The following SV2C variants were observed in gnomAD, a reference collection of about 807,000 sequenced individuals.
SV2C encodes synaptic vesicle glycoprotein 2C.
A neutral mutation model predicts 79.7 loss-of-function variants in SV2C; 49 were observed. The ratio of observed to expected loss-of-function variants is 0.61; its 90% confidence interval spans 0.49 to 0.78. The LOEUF is 0.78. SV2C is among the 30% of genes least tolerant of loss of function. SV2C has a pLI of 0.00. For synonymous variants in SV2C, 334 were observed against 333.2 expected (o/e 1.00, Z -0.03); for missense variants, 833 against 912.9 (o/e 0.91, Z 1.13).
At chr5:76,126,076 A>G (rs1748696616) in intron 1 of SV2C, among the ~76,000 whole-genome samples, 1 of 152,108 alleles carries the variant, frequency 6.6e-6, no homozygotes, top group African/African-American at 2.4e-5. Context: ...AAACCCAATA[A>G]CATTACTTTA....
chr5:76,212,442 C>CT (rs1033793509), intron 4 of SV2C, among the ~76,000 whole-genome samples: 1 of 151,536 alleles, frequency 6.6e-6, no homozygotes, highest in South Asian at 2.1e-4. Context: ...AGCTGAAGTG[C>CT]TTTTTTTTCT....
the SV2C span, among the ~76,000 whole-genome samples, chr5:75,991,588 C>T: frequency 0.15 from 20,632 of 137,680 alleles, 1,633 homozygotes; most frequent in South Asian, 0.21. Context: ...TATATATACA[C>T]ACATATATAT....
chr5:76,099,358 T>G (rs1015986476), intron 1 of SV2C, among the ~76,000 whole-genome samples: 10 of 131,434 alleles, frequency 7.6e-5, no homozygotes, highest in South Asian at 2.7e-4. Flanking sequence ...TAGTGCTTTC[T>G]TTTGCTCGTG....
intron 1 of SV2C, among the ~76,000 whole-genome samples, chr5:76,124,347 A>C (rs992744909): frequency 1.3e-5 from 2 of 152,204 alleles, no homozygotes; most frequent in Non-Finnish European, 1.5e-5. Flanking sequence ...TATCTCATAT[A>C]AATAGAATCA....
At chr5:76,027,247 A>G in the SV2C span, among the ~76,000 whole-genome samples, 1 of 151,748 alleles carries the variant, frequency 6.6e-6, no homozygotes, top group African/African-American at 2.4e-5. Flanking sequence ...TTTCTAGTAG[A>G]GATAGGGTTT....
chr5:76,168,831 G>A (rs568550973), intron 2 of SV2C, among the ~76,000 whole-genome samples: 13 of 152,264 alleles, frequency 8.5e-5, no homozygotes, highest in Admixed American at 3.9e-4. Context: ...TTTTAACCCC[G>A]AAGAGGAAAT....
At chr5:76,184,110 T>C (rs895293428) in intron 2 of SV2C, among the ~76,000 whole-genome samples, 7 of 152,228 alleles carry the variant, frequency 4.6e-5, no homozygotes, top group African/African-American at 9.6e-5. Context: ...GGTGTTAAGC[T>C]TCACATTGCC....
chr5:76,207,925 G>A (rs1336559180), intron 3 of SV2C, among the ~76,000 whole-genome samples: 2 of 152,242 alleles, frequency 1.3e-5, no homozygotes, highest in Admixed American at 6.5e-5. Context: ...AGAATTGTAT[G>A]AGTCTAATAC....
chr5:75,908,747 T>A, the SV2C span, among the ~76,000 whole-genome samples: 2 of 152,234 alleles, frequency 1.3e-5, no homozygotes, highest in Non-Finnish European at 2.9e-5. Flanking sequence ...TCCTGTGTTG[T>A]CCTTTCCTCT....
intron 12 of SV2C, among the ~76,000 whole-genome samples, chr5:76,341,525 C>G (rs1749442247): frequency 6.6e-6 from 1 of 152,184 alleles, no homozygotes; most frequent in East Asian, 1.9e-4. Context: ...GCTTTACAGT[C>G]AGACAATATG....
chr5:76,123,553 G>A (rs1348749541), intron 1 of SV2C, among the ~76,000 whole-genome samples: 1 of 152,100 alleles, frequency 6.6e-6, no homozygotes, highest in African/African-American at 2.4e-5. Flanking sequence ...TTCATCCCTG[G>A]GATACAAGCC....
At chr5:75,960,935 T>C in the SV2C span, among the ~76,000 whole-genome samples, 15 of 152,110 alleles carry the variant, frequency 9.9e-5, no homozygotes, top group East Asian at 1.7e-3. Context: ...TAGCCAAATT[T>C]AGTGGGCTGT....
At chr5:76,346,175 C>A (rs1227896559) in intron 12 of SV2C, among the ~76,000 whole-genome samples, 4 of 152,264 alleles carry the variant, frequency 2.6e-5, no homozygotes, top group Non-Finnish European at 4.4e-5. Flanking sequence ...TATAGTATTT[C>A]CACCATACAG....
downstream of SV2C, among the ~76,000 whole-genome samples, chr5:76,338,023 T>C (rs1749361005): frequency 6.6e-6 from 1 of 152,168 alleles, no homozygotes; most frequent in Non-Finnish European, 1.5e-5. Context: ...TGGAGTTGGA[T>C]AAGACCATGC....
the SV2C span, among the ~76,000 whole-genome samples, chr5:75,984,536 CCTATCTAT>C: frequency 0.26 from 37,703 of 144,806 alleles, 6,426 homozygotes; most frequent in Middle Eastern, 0.41. Context: ...GATCTATCTG[CCTATCTAT>C]CTATCTATCT....
At chr5:76,008,963 T>C in the SV2C span, among the ~76,000 whole-genome samples, 2 of 152,068 alleles carry the variant, frequency 1.3e-5, no homozygotes, top group East Asian at 3.9e-4. Flanking sequence ...TTCCCTCTGC[T>C]TAGAACGCTG....
chr5:76,105,735 A>T (rs1057264711), intron 1 of SV2C, among the ~76,000 whole-genome samples: 1 of 152,086 alleles, frequency 6.6e-6, no homozygotes, highest in Admixed American at 6.6e-5. Flanking sequence ...TGACATATAC[A>T]CACCCTCCCT....
chr5:75,888,702 G>C, the SV2C span, among the ~76,000 whole-genome samples: 1 of 152,036 alleles, frequency 6.6e-6, no homozygotes, highest in Non-Finnish European at 1.5e-5. Context: ...ACAGCACCTT[G>C]TAACAGGTTC....
In SV2C at chr5:76,260,855, A is replaced by G. The variant is rs1473902026; in HGVS notation, c.914-24307A>G. On this transcript the variant is annotated intron_variant, in intron 4 of 12. Transcript: ENST00000502798. ...ATCTTGGTTACTGTGGCCTTGTAGT[A>G]TAGTTTGAAGTCAGGTAGCATGATG... Among the ~76,000 whole-genome samples the G allele has an allele frequency of 3.3e-5, 5 of 152,118 alleles. No individual in the cohort carries two copies. The East Asian group carries it at 5.8e-4, about 18-fold the overall frequency.
Sources: gnomAD v4.1 joint callset for allele counts (sites outside exome capture counted in the v4.1 genomes callset) on GRCh38, gnomAD v4.1.1 for gene constraint, MANE v1.5 for transcripts, NCBI Gene and HGNC (gene_info 2026-07-23, HGNC 2026-07-21) for gene names.